NAV2: variants seen among roughly 807,000 people sequenced by gnomAD.
NAV2 encodes neuron navigator 2.
A neutral mutation model predicts 223.2 loss-of-function variants in NAV2; 54 were observed. That is an observed-to-expected ratio of 0.24 (90% CI 0.19 to 0.30). NAV2 has a LOEUF of 0.30. Among genes scored for constraint, NAV2 ranks in the 10% least tolerant of loss-of-function variants. The probability of loss-of-function intolerance (pLI) is 1.00; values close to 1 mark genes in which losing one functional copy is unlikely to be tolerated. For missense variants in NAV2, 2,806 were observed against 3,147.5 expected, an observed-to-expected ratio of 0.89 and a Z score of 2.60; for synonymous variants, 1,279 against 1,239.3, an observed-to-expected ratio of 1.03 and a Z score of -0.67.
At chr11:19,493,326 A>G (rs2042691354) in intron 1 of NAV2, among the ~76,000 whole-genome samples, 1 of 152,226 alleles carries the variant, frequency 6.6e-6, no homozygotes, top group African/African-American at 2.4e-5. Flanking sequence ...TATCACATAC[A>G]TATTTATACA....
intron 8 of NAV2, among the ~76,000 whole-genome samples, chr11:19,942,747 G>A (rs2046505773): frequency 6.6e-6 from 1 of 152,208 alleles, no homozygotes; most frequent in African/African-American, 2.4e-5. Flanking sequence ...ACTTTGGGAG[G>A]CCAAGGTGAG....
At chr11:19,823,604 G>A (rs1180304018) in intron 1 of NAV2, among the ~76,000 whole-genome samples, 1 of 152,174 alleles carries the variant, frequency 6.6e-6, no homozygotes, top group Admixed American at 6.5e-5. Context: ...GCCTCCCAAA[G>A]TGCTGGGATT....
intron 1 of NAV2, chr11:19,778,369 C>T (rs2056458258): frequency 2.2e-6 from 1 of 455,572 alleles, no homozygotes; most frequent in South Asian, 1.6e-5. Flanking sequence ...CCTTGTAGAA[C>T]TAGTGCCAGG....
At position 19,870,204 on chromosome 11, in the gene NAV2, C is replaced by T. The variant is rs566307537; in HGVS notation, c.511+1207C>T. On this transcript the variant is annotated intron_variant, in intron 4 of 37. Coordinates refer to ENST00000349880, the MANE Select transcript of NAV2 (RefSeq NM_145117.5). The stretch of plus-strand genomic sequence containing the variant: ...CCAGCCCTGGGGTACGGACCCTCAT[C>T]CATGGGGATAAGATCAGGGCTGGCT... 2.8e-4 allele frequency among the ~76,000 whole-genome samples: 42 copies of T among 152,232 alleles called. 1 individual carries two copies. In the South Asian group the frequency reaches 7.7e-3, roughly 28 times the overall value.
chr11:19,692,131 G>A (rs997653290), intron 1 of NAV2, among the ~76,000 whole-genome samples: 15 of 152,348 alleles, frequency 9.8e-5, no homozygotes, highest in African/African-American at 3.6e-4. Context: ...TACATCAATG[G>A]GATCCATCTG....
At position 19,399,752 on chromosome 11, in the gene NAV2, C is replaced by A. The variant is rs146800044; in HGVS notation, c.75+48725C>A. ...AAAATGCCCAGGGCCAGTGGTGAAG[C>A]TGAGATTGAAACTGGGTAGGTCTGC... On this transcript the variant is annotated intron_variant, in intron 1 of 37. Coordinates refer to the NAV2 transcript ENST00000360655. 2.6e-3 allele frequency among the ~76,000 whole-genome samples: 398 copies of A among 152,352 alleles called. 3 individuals are homozygous for A. The highest frequency in any genetic ancestry group is 8.9e-3 in the African/African-American group (372 of 41,582).
chr11:19,772,290 T>C (rs905047453), intron 1 of NAV2, among the ~76,000 whole-genome samples: 1 of 152,184 alleles, frequency 6.6e-6, no homozygotes, highest in Non-Finnish European at 1.5e-5. Context: ...GCATGTAATA[T>C]GACAGTAATG....
At chr11:19,528,711 C>T (rs1044211583) in intron 1 of NAV2, among the ~76,000 whole-genome samples, 31 of 152,082 alleles carry the variant, frequency 2.0e-4, no homozygotes, top group Admixed American at 2.0e-3. Flanking sequence ...ATGGGCAGAT[C>T]ACGAGGTCAA....
Position 19,886,144 on chromosome 11 carries a change from AT to A in NAV2, c.770+6033del, listed in dbSNP as rs35749323. Among the ~76,000 whole-genome samples the A allele has an allele frequency of 7.8e-3, 1,124 of 143,312 alleles. 4 individuals carry two copies. The highest frequency in any genetic ancestry group is 0.017 in the African/African-American group (675 of 39,032). The allele number at this position is 143,312 out of a possible 152,430, so 94.0% of individuals were successfully genotyped here. On this transcript the variant is annotated intron_variant, in intron 5 of 37. Transcript: ENST00000349880. ...AGGCACATGCCTCCATACCCAGCTA[AT>A]TTTTTTTTTTTTTTTAAAGGTGGGG...
chr11:19,531,250 G>T (rs2044019952), intron 1 of NAV2, among the ~76,000 whole-genome samples: 1 of 152,190 alleles, frequency 6.6e-6, no homozygotes, highest in Non-Finnish European at 1.5e-5. Context: ...AGAAATATAT[G>T]TAATAGCACC....
intron 22 of NAV2, among the ~76,000 whole-genome samples, chr11:20,076,208 A>G (rs927113315): frequency 6.7e-6 from 1 of 148,306 alleles, no homozygotes; most frequent in Non-Finnish European, 1.5e-5. Flanking sequence ...TTCAGAAGGA[A>G]CTACAGGGAG....
At chr11:19,811,837 CA>C (rs1028025724) in intron 1 of NAV2, among the ~76,000 whole-genome samples, 16 of 151,932 alleles carry the variant, frequency 1.1e-4, no homozygotes, top group South Asian at 1.0e-3. Context: ...GGTAAGCAGT[CA>C]AAAAAAATAT....
At chr11:19,763,563 A>C (rs566680982) in intron 1 of NAV2, among the ~76,000 whole-genome samples, 1 of 152,296 alleles carries the variant, frequency 6.6e-6, no homozygotes, top group East Asian at 1.9e-4. Context: ...GCGGAATTAG[A>C]ACATTCTCCC....
At chr11:19,900,270 GGAA>G (rs2042336671) in intron 6 of NAV2, among the ~76,000 whole-genome samples, 1 of 57,980 alleles carries the variant, frequency 1.7e-5, no homozygotes, top group Non-Finnish European at 6.9e-5. Context: ...GATCACTGGA[GGAA>G]TAAACAAGAA....
At chr11:20,022,007 G>A (rs1349834701) in intron 11 of NAV2, among the ~76,000 whole-genome samples, 3 of 152,266 alleles carry the variant, frequency 2.0e-5, no homozygotes, top group African/African-American at 7.2e-5. Flanking sequence ...ATCCCCCAGG[G>A]CCACAACCCC....
chr11:19,875,012 C>T (rs1039564405), intron 4 of NAV2, among the ~76,000 whole-genome samples: 1 of 152,118 alleles, frequency 6.6e-6, no homozygotes, highest in African/African-American at 2.4e-5. Flanking sequence ...ACAAAATTAG[C>T]CGGGCGTGGT....
intron 2 of NAV2, among the ~76,000 whole-genome samples, chr11:19,838,250 A>T (rs940077681): frequency 6.6e-6 from 1 of 152,162 alleles, no homozygotes; most frequent in African/African-American, 2.4e-5. Flanking sequence ...GAGTGTAGTG[A>T]TGATGGCATG....
intron 1 of NAV2, among the ~76,000 whole-genome samples, chr11:19,732,759 C>T (rs1270730052): frequency 6.6e-6 from 1 of 152,178 alleles, no homozygotes; most frequent in African/African-American, 2.4e-5. Context: ...CTGGGTGTTT[C>T]CTGGAGATCT....
At chr11:19,652,147 C>T (rs1590039269) in intron 1 of NAV2, among the ~76,000 whole-genome samples, 4 of 152,126 alleles carry the variant, frequency 2.6e-5, no homozygotes, top group Admixed American at 2.6e-4. Flanking sequence ...GAAAAAAATG[C>T]CACTTGTCCC....
Sources: gnomAD v4.1 joint callset for allele counts (sites outside exome capture counted in the v4.1 genomes callset) on GRCh38, gnomAD v4.1.1 for gene constraint, MANE v1.5 for transcripts, NCBI Gene and HGNC (gene_info 2026-07-23, HGNC 2026-07-21) for gene names.